Variants in FMNL3 observed in about 807,000 individuals in gnomAD.
The protein encoded by FMNL3 is formin like 3.
FMNL3 carries 57 observed loss-of-function variants against 119.6 expected under a neutral mutation model. That is an observed-to-expected ratio of 0.48 (90% CI 0.39 to 0.59). The LOEUF (loss-of-function observed/expected upper bound fraction) is 0.59. Ranked by LOEUF, FMNL3 falls within the 20% of genes least tolerant of loss-of-function variation. FMNL3 has a pLI of 0.00. For missense variants in FMNL3, 1,053 were observed against 1,323.5 expected (o/e 0.80, Z 3.17); for synonymous variants, 491 against 507.3 (o/e 0.97, Z 0.43).
In FMNL3 at chr12:49,642,742, C is replaced by T. The variant is rs1942844862; in HGVS notation, c.*3073G>A. The T allele has an allele frequency of 3.9e-6, 6 of 1,525,904 alleles. No individual in the cohort carries two copies. The highest frequency in any genetic ancestry group is 2.4e-5 in the East Asian group (1 of 41,862). The allele number at this position is 1,525,904 out of a possible 1,614,324, so 94.5% of individuals were successfully genotyped here. On this transcript the variant is annotated 3_prime_UTR_variant, in exon 26 of 26. Transcript: ENST00000335154. The surrounding 1 kb of genome is among the most constrained non-coding windows in gnomAD (Gnocchi z 5.8). ...ACTCATTAGACCAGTTCAACAGAGA[C>T]CTCAGTGGCCTCCCTCTTACCCTTA...
chr12:49,667,583 T>C (rs1457078107), intron 2 of FMNL3, among the ~76,000 whole-genome samples: 3 of 152,204 alleles, frequency 2.0e-5, no homozygotes, highest in Non-Finnish European at 4.4e-5. Context: ...CTACTAGCAT[T>C]AGGCAAGTTA....
At chr12:49,687,500 T>C (rs941101698) in intron 1 of FMNL3, among the ~76,000 whole-genome samples, 2 of 152,172 alleles carry the variant, frequency 1.3e-5, no homozygotes, top group African/African-American at 2.4e-5. Context: ...TACAGGCACA[T>C]GCCACCACAC....
In FMNL3 at chr12:49,643,000, G is replaced by C; in HGVS notation, c.*2815C>G. On this transcript the variant is annotated 3_prime_UTR_variant, in exon 26 of 26. Coordinates refer to ENST00000335154, the MANE Select transcript of FMNL3 (RefSeq NM_175736.5). The surrounding 1 kb of genome is among the most constrained non-coding windows in gnomAD (Gnocchi z 5.8). ...AAAGGCAAGAAGCACCATCACAAGC[G>C]TTCCCACTCACCCTCAGTGAGTAAG... The C allele has an allele frequency of 1.2e-6, 2 of 1,613,744 alleles. No individual in the cohort carries two copies. Among genetic ancestry groups the C allele is most frequent in the Non-Finnish European group, 1.7e-6 (2 of 1,179,818 alleles).
At chr12:49,656,184 G>A (rs1245408108) in intron 9 of FMNL3, among the ~76,000 whole-genome samples, 1 of 152,066 alleles carries the variant, frequency 6.6e-6, no homozygotes, top group African/African-American at 2.4e-5. Context: ...CTAGCTGAGG[G>A]TATCTTTAGC....
At chr12:49,704,064 T>C (rs1199389452) in intron 1 of FMNL3, among the ~76,000 whole-genome samples, 1 of 152,178 alleles carries the variant, frequency 6.6e-6, no homozygotes, top group Non-Finnish European at 1.5e-5. Flanking sequence ...ACTAAGCATA[T>C]AGTAGATGCC....
intron 1 of FMNL3, among the ~76,000 whole-genome samples, chr12:49,675,378 G>C (rs1032625578): frequency 6.6e-6 from 1 of 152,216 alleles, no homozygotes; most frequent in African/African-American, 2.4e-5. Context: ...GCTGGGGGCA[G>C]CTTATTTTCC....
intron 1 of FMNL3, among the ~76,000 whole-genome samples, chr12:49,668,783 A>C (rs1943960029): frequency 6.6e-6 from 1 of 152,246 alleles, no homozygotes; most frequent in South Asian, 2.1e-4. Flanking sequence ...ATCAGTCAAA[A>C]TTAACTCTAT....
intron 1 of FMNL3, among the ~76,000 whole-genome samples, chr12:49,699,335 G>T (rs1207041368): frequency 6.6e-6 from 1 of 152,192 alleles, no homozygotes; most frequent in Non-Finnish European, 1.5e-5. Context: ...GGCAGGGGAG[G>T]ATCTGTGGTC....
chr12:49,644,311 C>A lies in FMNL3; in HGVS notation c.*1504G>T. 2 of 1,125,502 alleles carry A rather than the reference C, an allele frequency of 1.8e-6. No homozygotes were observed. The highest frequency in any genetic ancestry group is 1.4e-5 in the South Asian group (1 of 72,438). 69.7% of individuals were successfully genotyped at this position (1,125,502 alleles called of 1,614,324 possible). On this transcript the variant is annotated 3_prime_UTR_variant, in exon 26 of 26. Transcript: ENST00000335154. ...TGTGTCCACTTTTTCTAAAGTAACC[C>A]CACCCCCAGCACACCATTGTTGGCA...
chr12:49,668,561 A>G lies in FMNL3; in HGVS notation c.127-7T>C. On this transcript the variant is annotated splice_region_variant and splice_polypyrimidine_tract_variant and intron_variant, in intron 1 of 25. Transcript: ENST00000335154. ...GAGGCAGGTTCATGGAGCTCTGAGG[A>G]GAGAACCTGAGTCAACAAGGCTGAA... is the stretch of plus-strand genomic sequence containing the variant. 1 of 1,613,810 alleles carries G rather than the reference A, an allele frequency of 6.2e-7. No homozygotes were observed. Among genetic ancestry groups the G allele is most frequent in the Non-Finnish European group, 8.5e-7 (1 of 1,179,768 alleles).
At chr12:49,664,401 T>C (rs1943827158) in intron 4 of FMNL3, among the ~76,000 whole-genome samples, 2 of 152,042 alleles carry the variant, frequency 1.3e-5, no homozygotes, top group Non-Finnish European at 2.9e-5. Context: ...CAAGACCCTG[T>C]CTTAAAAAAC....
chr12:49,643,416 C>A lies in FMNL3; in HGVS notation c.*2399G>T. On this transcript the variant is annotated 3_prime_UTR_variant, in exon 26 of 26. Transcript: ENST00000335154. ...GGAGCAGGTAAGCAGTTGCTGTGAGCGTAGAAGCTGGAGAACTGTTGTCCC... is the reference window on the plus strand; with the variant it reads ...GGAGCAGGTAAGCAGTTGCTGTGAGAGTAGAAGCTGGAGAACTGTTGTCCC... 6.5e-7 allele frequency: 1 copy of A among 1,535,396 alleles called. No homozygotes were observed. The highest frequency in any genetic ancestry group is 1.3e-5 in the South Asian group (1 of 77,570).
intron 1 of FMNL3, among the ~76,000 whole-genome samples, chr12:49,686,578 CAAA>C (rs746062262): frequency 7.1e-4 from 44 of 61,906 alleles, no homozygotes; most frequent in Non-Finnish European, 1.2e-3. Flanking sequence ...ACTTCATCTC[CAAA>C]AAAAAAAAAA....
intron 25 of FMNL3, chr12:49,646,581 TC>T (rs966484979): frequency 1.5e-6 from 2 of 1,351,466 alleles, no homozygotes; most frequent in African/African-American, 2.9e-5. Flanking sequence ...GCCTGTGGTC[TC>T]CCAGCAGGAA....
intron 1 of FMNL3, among the ~76,000 whole-genome samples, chr12:49,675,904 C>G (rs373688575): frequency 6.6e-6 from 1 of 152,160 alleles, no homozygotes; most frequent in Non-Finnish European, 1.5e-5. Flanking sequence ...GCTTCTCTGA[C>G]CAGCCTCATC....
At chr12:49,666,257 G>A (rs751379812) in intron 2 of FMNL3, 50 bp from the exon 3 acceptor site, 2 of 1,520,546 alleles carry the variant, frequency 1.3e-6, no homozygotes, top group East Asian at 4.5e-5. Flanking sequence ...CCAGAGACCT[G>A]AGGAGGGCAC....
intron 1 of FMNL3, among the ~76,000 whole-genome samples, chr12:49,670,080 A>C (rs1474964923): frequency 2.0e-5 from 3 of 152,028 alleles, no homozygotes; most frequent in Admixed American, 6.5e-5. Context: ...TCCTTTAACT[A>C]CTGTCCAGGT....
intron 13 of FMNL3, 45 bp downstream of exon 13, chr12:49,653,181 G>A (rs1226342141): frequency 1.3e-6 from 2 of 1,566,490 alleles, no homozygotes; most frequent in East Asian, 2.2e-5. Context: ...CAAGGCGCTG[G>A]AGCCCAGGAT....
chr12:49,669,985 G>A (rs74089182), intron 1 of FMNL3, among the ~76,000 whole-genome samples: 16,963 of 152,234 alleles, frequency 0.11, 1,096 homozygotes, highest in African/African-American at 0.18. Flanking sequence ...TCGCAGCTGC[G>A]TGATCACCCA....
Sources: allele counts gnomAD v4.1 joint callset (sites outside exome capture counted in the v4.1 genomes callset), GRCh38; gene constraint gnomAD v4.1.1; non-coding constraint Gnocchi (gnomAD v3.1); transcripts MANE v1.5; gene names NCBI Gene and HGNC (gene_info 2026-07-23, HGNC 2026-07-21).